The following BCL9 variants were observed in gnomAD, a reference collection of about 807,000 sequenced individuals.
BCL9 encodes the protein BCL9 transcription coactivator.
A neutral mutation model predicts 88.5 loss-of-function variants in BCL9; 25 were observed. The ratio of observed to expected loss-of-function variants is 0.28; its 90% CI spans 0.21 to 0.39. BCL9 has a LOEUF of 0.39. Ranked by LOEUF, BCL9 falls within the 10% of genes least tolerant of loss-of-function variation. The pLI is 1.00. For synonymous variants in BCL9, 711 were observed against 673.3 expected (o/e 1.06, Z -0.87); for missense variants, 1,817 against 1,877.8 (o/e 0.97, Z 0.60).
At chr1:147,566,532 G>T (rs11582445) in intron 1 of BCL9, among the ~76,000 whole-genome samples, 33,852 of 152,058 alleles carry the variant, frequency 0.22, 3,856 homozygotes, top group Middle Eastern at 0.32. Context: ...CGAGGCAGGC[G>T]GATCACGAGG....
At chr1:147,586,614 G>T (rs1398096460) in intron 1 of BCL9, among the ~76,000 whole-genome samples, 2 of 152,142 alleles carry the variant, frequency 1.3e-5, no homozygotes, top group African/African-American at 4.8e-5. Context: ...GGGGCCAGGG[G>T]ACCCGCCCTT....
At chr1:147,599,983 C>T (rs1657274523) in intron 1 of BCL9, among the ~76,000 whole-genome samples, 4 of 151,168 alleles carry the variant, frequency 2.6e-5, no homozygotes, top group Admixed American at 1.3e-4. Context: ...GCGGGGCGGT[C>T]CCGGTTCCCC....
intron 1 of BCL9, among the ~76,000 whole-genome samples, chr1:147,565,387 C>T (rs1249682693): frequency 1.3e-5 from 2 of 152,194 alleles, no homozygotes; most frequent in Non-Finnish European, 2.9e-5. Context: ...CACAGAAGTG[C>T]TAATACCTTC....
At chr1:147,581,729 CT>C (rs1374578501) in intron 1 of BCL9, among the ~76,000 whole-genome samples, 2 of 152,010 alleles carry the variant, frequency 1.3e-5, no homozygotes, top group Non-Finnish European at 1.5e-5. Flanking sequence ...TTGATCAGAA[CT>C]TTTTTTTCTT....
intron 1 of BCL9, among the ~76,000 whole-genome samples, chr1:147,576,691 C>T (rs200950021): frequency 3.3e-5 from 5 of 152,006 alleles, no homozygotes; most frequent in Non-Finnish European, 7.4e-5. Context: ...TTCTGTGTGG[C>T]GATTTATCTC....
chr1:147,577,327 T>C (rs1262768689), intron 1 of BCL9, among the ~76,000 whole-genome samples: 2 of 152,180 alleles, frequency 1.3e-5, no homozygotes, highest in Non-Finnish European at 2.9e-5. Context: ...CATCTCATTT[T>C]GCTTATCAAA....
chr1:147,588,741 G>T (rs1382644928), intron 1 of BCL9, among the ~76,000 whole-genome samples: 2 of 152,130 alleles, frequency 1.3e-5, no homozygotes, highest in African/African-American at 4.8e-5. Context: ...TGATTCTAGG[G>T]GTGGTCCAGC....
At chr1:147,623,786 T>G (rs781935595) in intron 9 of BCL9, 56 bp from the exon 10 acceptor site, 318 of 1,532,814 alleles carry the variant, frequency 2.1e-4, no homozygotes, top group Non-Finnish European at 2.8e-4. Context: ...TTTATTATAG[T>G]TTTTCTGAGT....
chr1:147,579,864 C>T (rs12043544), intron 1 of BCL9, among the ~76,000 whole-genome samples: 2 of 152,306 alleles, frequency 1.3e-5, no homozygotes, highest in East Asian at 3.9e-4. Flanking sequence ...GCAGTCTACC[C>T]ACCTTCCTGA....
intron 1 of BCL9, among the ~76,000 whole-genome samples, chr1:147,555,682 C>A (rs1570814134): frequency 6.6e-6 from 1 of 152,208 alleles, no homozygotes; most frequent in Non-Finnish European, 1.5e-5. Context: ...ATAAGTCACA[C>A]CCCTGAAGCT....
At chr1:147,564,503 T>C (rs1182004381) in intron 1 of BCL9, among the ~76,000 whole-genome samples, 1 of 152,182 alleles carries the variant, frequency 6.6e-6, no homozygotes, top group African/African-American at 2.4e-5. Context: ...AGCTTTATTA[T>C]GTTTGAAGTC....
chr1:147,563,131 T>G (rs782534248), intron 1 of BCL9, among the ~76,000 whole-genome samples: 1 of 152,220 alleles, frequency 6.6e-6, no homozygotes, highest in Non-Finnish European at 1.5e-5. Context: ...ATGTCACCTC[T>G]TCAGAGAGCC....
chr1:147,581,417 A>G (rs895533990), intron 1 of BCL9, among the ~76,000 whole-genome samples: 1 of 152,232 alleles, frequency 6.6e-6, no homozygotes, highest in Non-Finnish European at 1.5e-5. Context: ...GCTTCTAGAA[A>G]AATGCATCAA....
At chr1:147,553,596 A>C (rs983948099) in intron 1 of BCL9, among the ~76,000 whole-genome samples, 2 of 152,166 alleles carry the variant, frequency 1.3e-5, no homozygotes, top group African/African-American at 4.8e-5. Context: ...ATGTTTATTG[A>C]ACTCAACTGA....
chr1:147,622,656 C>G, intron 9 of BCL9, 125 bp downstream of exon 9: 4 of 1,229,050 alleles, frequency 3.3e-6, no homozygotes, highest in Non-Finnish European at 4.5e-6. Context: ...AATCTTCCAT[C>G]TAAGGTAGTT....
chr1:147,611,091 CAT>C (rs1206897725), intron 3 of BCL9, among the ~76,000 whole-genome samples: 1 of 152,010 alleles, frequency 6.6e-6, no homozygotes, highest in African/African-American at 2.4e-5. Context: ...AGAGTGTAAA[CAT>C]AGATTAATTT....
chr1:147,570,525 C>G (rs1256303206), intron 1 of BCL9, among the ~76,000 whole-genome samples: 2 of 152,052 alleles, frequency 1.3e-5, no homozygotes, highest in African/African-American at 4.8e-5. Context: ...ATTTTATTTT[C>G]AAATTCTTGT....
intron 1 of BCL9, among the ~76,000 whole-genome samples, chr1:147,583,171 T>C (rs1656444046): frequency 6.6e-6 from 1 of 152,272 alleles, no homozygotes; most frequent in African/African-American, 2.4e-5. Flanking sequence ...ATGAGCTCTT[T>C]ATATACTAAG....
At chr1:147,582,584 G>A (rs1462513160) in intron 1 of BCL9, among the ~76,000 whole-genome samples, 2 of 152,262 alleles carry the variant, frequency 1.3e-5, no homozygotes, top group East Asian at 1.9e-4. Flanking sequence ...TTTTTGTACA[G>A]CCTATGAGCT....
Sources: allele counts gnomAD v4.1 joint callset (sites outside exome capture counted in the v4.1 genomes callset), GRCh38; gene constraint gnomAD v4.1.1; transcripts MANE v1.5; gene names NCBI Gene and HGNC (gene_info 2026-07-23, HGNC 2026-07-21).